The following IFT43 variants were observed in gnomAD, a reference collection of about 807,000 sequenced individuals.
IFT43 encodes the protein intraflagellar transport 43, also known as intraflagellar transport protein 43 homolog.
IFT43 carries 33 observed loss-of-function variants against 32.3 expected under a neutral mutation model. The observed-to-expected ratio is 1.02, with a 90% confidence interval of 0.77 to 1.37. The LOEUF is 1.37. IFT43 is among the 40% of genes most tolerant of loss of function. IFT43 has a pLI of 0.00. For synonymous variants in IFT43, 93 were observed against 98.2 expected (o/e 0.95, Z 0.31); for missense variants, 274 against 265.9 (o/e 1.03, Z -0.21).
At chr14:76,021,183 A>G (rs913632597) in intron 2 of IFT43, among the ~76,000 whole-genome samples, 3 of 152,056 alleles carry the variant, frequency 2.0e-5, no homozygotes, top group East Asian at 1.9e-4. Context: ...GATGGCATAC[A>G]TGGGTGCTAG....
chr14:75,999,254 TATATATATATATA>T (rs2035820458), intron 2 of IFT43, among the ~76,000 whole-genome samples: 4 of 10,006 alleles, frequency 4.0e-4, no homozygotes, highest in African/African-American at 1.2e-3. Flanking sequence ...TATATATATA[TATATATATATATA>T]TATATGTATA....
intron 2 of IFT43, among the ~76,000 whole-genome samples, chr14:76,017,429 T>A (rs1409579544): frequency 6.6e-6 from 1 of 152,170 alleles, no homozygotes; most frequent in African/African-American, 2.4e-5. Context: ...ATCTTTTTGA[T>A]GTGTTGTTGG....
intron 3 of IFT43, among the ~76,000 whole-genome samples, chr14:76,054,572 C>T (rs938106087): frequency 1.4e-4 from 21 of 152,354 alleles, no homozygotes; most frequent in African/African-American, 5.1e-4. Flanking sequence ...TGCTTTTCCT[C>T]TTCTCCAGAA....
At chr14:76,070,885 C>T (rs1049799501) in intron 5 of IFT43, among the ~76,000 whole-genome samples, 1 of 152,186 alleles carries the variant, frequency 6.6e-6, no homozygotes, top group African/African-American at 2.4e-5. Flanking sequence ...GCTGTGTTTC[C>T]TACACAGCCT....
intron 3 of IFT43, among the ~76,000 whole-genome samples, chr14:76,046,921 A>T (rs2036817978): frequency 6.6e-6 from 1 of 152,192 alleles, no homozygotes; most frequent in African/African-American, 2.4e-5. Flanking sequence ...ACAGTTCTGG[A>T]GTCTGGGAAG....
At chr14:76,043,603 T>A (rs921956973) in intron 3 of IFT43, among the ~76,000 whole-genome samples, 1 of 152,172 alleles carries the variant, frequency 6.6e-6, no homozygotes, top group African/African-American at 2.4e-5. Context: ...CTTGGGGTAC[T>A]TGCAGATGTA....
chr14:76,078,837 A>ACCC (rs1197458811), intron 5 of IFT43, among the ~76,000 whole-genome samples: 1 of 151,952 alleles, frequency 6.6e-6, no homozygotes, highest in Admixed American at 6.6e-5. Context: ...GTGCCTGGCC[A>ACCC]CCTCCTCCTC....
chr14:76,037,306 C>T (rs2036618468), intron 3 of IFT43, among the ~76,000 whole-genome samples: 1 of 152,212 alleles, frequency 6.6e-6, no homozygotes, highest in Non-Finnish European at 1.5e-5. Context: ...CCGGTCATTC[C>T]ACTTTCAGCC....
intron 5 of IFT43, among the ~76,000 whole-genome samples, chr14:76,074,429 T>C (rs1361377172): frequency 2.6e-5 from 4 of 152,324 alleles, no homozygotes; most frequent in Admixed American, 2.6e-4. Context: ...TTTCCTTCAA[T>C]TGACAGTATC....
chr14:75,986,131 C>G lies in IFT43; in HGVS notation c.54+291C>G, dbSNP rs1181343677. 3.8e-5 allele frequency: 53 copies of G among 1,393,128 alleles called. 1 individual carries two copies. The Admixed American group carries it at 1.1e-3, about 29-fold the overall frequency. 86.3% of individuals were successfully genotyped at this position (1,393,128 alleles called of 1,614,324 possible). A position where few individuals can be genotyped will look rare whatever the true frequency, so the allele number is the denominator to read the frequency against. On this transcript the variant is annotated intron_variant, in intron 1 of 8. Transcript: ENST00000314067. ...AGCCTTTCTCCGTTTTCTAGAGCCC[C>G]GAGTGCGAACTTCCCCAGAACAGAT...
intron 5 of IFT43, among the ~76,000 whole-genome samples, chr14:76,070,569 C>G (rs768078101): frequency 6.6e-6 from 1 of 152,060 alleles, no homozygotes; most frequent in Non-Finnish European, 1.5e-5. Flanking sequence ...AAACAATGAT[C>G]GTAACTACTT....
chr14:76,055,754 T>C (rs2037001170), intron 3 of IFT43, among the ~76,000 whole-genome samples: 2 of 152,246 alleles, frequency 1.3e-5, no homozygotes, highest in Non-Finnish European at 2.9e-5. Flanking sequence ...TATTTGCATG[T>C]TCGCATTTCT....
intron 4 of IFT43, 56 bp from the exon 5 acceptor site, chr14:76,059,270 TC>T (rs1233471361): frequency 4.0e-5 from 64 of 1,613,348 alleles, no homozygotes; most frequent in Non-Finnish European, 5.1e-5. Context: ...TTTGGGATGT[TC>T]CTTTCCGTGT....
chr14:76,062,394 T>G (rs2037153589), intron 5 of IFT43, among the ~76,000 whole-genome samples: 1 of 152,094 alleles, frequency 6.6e-6, no homozygotes, highest in Non-Finnish European at 1.5e-5. Flanking sequence ...TTTACATGAT[T>G]AGTAGGTTTT....
chr14:76,019,678 T>C (rs1414308827), intron 2 of IFT43, among the ~76,000 whole-genome samples: 2 of 152,162 alleles, frequency 1.3e-5, no homozygotes, highest in East Asian at 3.8e-4. Flanking sequence ...TTTGCCCATC[T>C]CTTCTTCTGA....
chr14:76,050,429 T>A (rs55706519), intron 3 of IFT43, among the ~76,000 whole-genome samples: 1 of 148,474 alleles, frequency 6.7e-6, no homozygotes, highest in Non-Finnish European at 1.5e-5. Context: ...GTGGTGGGAG[T>A]GTTTGGATGT....
At chr14:76,020,934 T>G (rs1418842919) in intron 2 of IFT43, among the ~76,000 whole-genome samples, 1 of 152,078 alleles carries the variant, frequency 6.6e-6, no homozygotes, top group Non-Finnish European at 1.5e-5. Flanking sequence ...GGCTGCAAGC[T>G]GGGTAGACTG....
intron 3 of IFT43, among the ~76,000 whole-genome samples, chr14:76,037,158 C>G (rs2036615031): frequency 6.9e-6 from 1 of 144,602 alleles, no homozygotes; most frequent in South Asian, 2.2e-4. Flanking sequence ...CTCATATTCC[C>G]TGTTAAACTG....
intron 3 of IFT43, 56 bp from the exon 4 acceptor site, chr14:76,058,586 T>A: frequency 6.2e-7 from 1 of 1,605,822 alleles, no homozygotes; most frequent in South Asian, 1.1e-5. Context: ...AGATACTACC[T>A]GGTGCATGAG....
Sources: gnomAD v4.1 joint callset for allele counts (sites outside exome capture counted in the v4.1 genomes callset) on GRCh38, gnomAD v4.1.1 for gene constraint, MANE v1.5 for transcripts, NCBI Gene and HGNC (gene_info 2026-07-23, HGNC 2026-07-21) for gene names.